NUF2: variants seen among roughly 807,000 people sequenced by gnomAD.
The protein encoded by NUF2 is kinetochore protein Nuf2.
In NUF2, 34 loss-of-function variants were observed where a neutral mutation model predicts 61.8. The ratio of observed to expected loss-of-function variants is 0.55; its 90% CI spans 0.42 to 0.73. The LOEUF is 0.73. Ranked by LOEUF, NUF2 falls within the 30% of genes least tolerant of loss-of-function variation. The pLI is 0.00. For missense variants in NUF2, 445 were observed against 539.1 expected (o/e 0.83, Z 1.73); for synonymous variants, 172 against 181.6 (o/e 0.95, Z 0.42).
chr1:163,323,642 C>A (rs1650313416), intron 1 of NUF2, among the ~76,000 whole-genome samples: 1 of 152,002 alleles, frequency 6.6e-6, no homozygotes, highest in African/African-American at 2.4e-5. Context: ...TAGCTTGAGC[C>A]TGGGAGGTCG....
chr1:163,345,792 G>A lies in NUF2; in HGVS notation c.922G>A (p.Glu308Lys). 1 of 1,606,584 alleles carries A rather than the reference G, an allele frequency of 6.2e-7. No individual in the cohort carries two copies. The highest frequency in any genetic ancestry group is 8.5e-7 in the Non-Finnish European group (1 of 1,175,166). Residue 308 changes from glutamate (E) to lysine (K), a missense_variant, in exon 11 of 14, where the codon GAA becomes AAA. Physicochemically the swap from Glu to Lys is moderately conservative, Grantham distance 56. Coordinates refer to ENST00000271452, the MANE Select transcript of NUF2 (RefSeq NM_145697.3). ...AATACAGGACCTTTCAGATAATAGG[G>A]AAAAATTAGCCAGTATCTTAAAGGA... ...KKIQDLSDNR[E>K]KLASILKESL...
At chr1:163,337,408 T>C (rs1455261099) in intron 6 of NUF2, among the ~76,000 whole-genome samples, 1 of 152,062 alleles carries the variant, frequency 6.6e-6, no homozygotes, top group Non-Finnish European at 1.5e-5. Flanking sequence ...TGGGGTACCA[T>C]ACTCTTAGAA....
intron 9 of NUF2, among the ~76,000 whole-genome samples, chr1:163,343,370 C>G (rs1002714351): frequency 1.3e-5 from 2 of 152,048 alleles, no homozygotes; most frequent in African/African-American, 4.8e-5. Flanking sequence ...AGCAGGCAGA[C>G]CGGAGTGGGA....
intron 3 of NUF2, 28 bp downstream of exon 3, chr1:163,327,590 G>GA (rs766670014): frequency 1.7e-5 from 25 of 1,447,380 alleles, no homozygotes; most frequent in South Asian, 2.3e-5. Context: ...CAAAATTATG[G>GA]GGTTTTTTTT....
At chr1:163,334,778 T>G (rs560961378) in intron 5 of NUF2, among the ~76,000 whole-genome samples, 1 of 152,154 alleles carries the variant, frequency 6.6e-6, no homozygotes, top group African/African-American at 2.4e-5. Context: ...GACCTGCTTC[T>G]TTTTGAGAAG....
chr1:163,355,328 T>C lies in NUF2; in HGVS notation c.1261-7T>C, dbSNP rs1571405991. The C allele has an allele frequency of 6.3e-7, 1 of 1,591,430 alleles. No homozygotes were observed. Among genetic ancestry groups the C allele is most frequent in the East Asian group, 2.3e-5 (1 of 44,376 alleles). The stretch of plus-strand genomic sequence containing the variant: ...ATAATTATTATTCTGTTTCATTTTC[T>C]ACTTAGGAAATATTTCTAAACTTGA... On this transcript the variant is annotated splice_polypyrimidine_tract_variant and splice_region_variant and intron_variant, in intron 13 of 13. Transcript: ENST00000271452.
chr1:163,352,253 CTTA>C (rs1424545414), intron 13 of NUF2, among the ~76,000 whole-genome samples: 3 of 152,190 alleles, frequency 2.0e-5, no homozygotes, highest in Non-Finnish European at 4.4e-5. Flanking sequence ...ATACAGCGCT[CTTA>C]TTATTATACG....
chr1:163,349,087 A>G lies in NUF2; in HGVS notation c.1260+7A>G. ...GGAGAAACTGAAGTCCCAGGTGAAT[A>G]TGTGTTCATAAGAAGTTAATTTCAA... On this transcript the variant is annotated splice_region_variant and intron_variant, in intron 13 of 13. Transcript: ENST00000271452. The G allele has an allele frequency of 6.3e-7, 1 of 1,596,880 alleles. No homozygotes were observed.
chr1:163,345,964 A>G, intron 11 of NUF2, 146 bp downstream of exon 11: 1 of 520,862 alleles, frequency 1.9e-6, no homozygotes, highest in East Asian at 3.2e-5. Flanking sequence ...TATGCTATGA[A>G]AAAGACACTT....
At chr1:163,326,918 A>G (rs941241898) in intron 2 of NUF2, among the ~76,000 whole-genome samples, 1 of 152,174 alleles carries the variant, frequency 6.6e-6, no homozygotes, top group African/African-American at 2.4e-5. Flanking sequence ...ATAAACTTGT[A>G]TTAATATATG....
chr1:163,343,946 A>T (rs1204890709), intron 10 of NUF2, 76 bp downstream of exon 10: 28 of 946,916 alleles, frequency 3.0e-5, no homozygotes, highest in Non-Finnish European at 4.1e-5. Context: ...TTATGTGTTA[A>T]TTTTTGGATT....
intron 10 of NUF2, among the ~76,000 whole-genome samples, chr1:163,344,310 A>G (rs1458283382): frequency 6.6e-6 from 1 of 152,104 alleles, no homozygotes. Flanking sequence ...AACTGCTTGA[A>G]AAATTAAAAT....
intron 5 of NUF2, among the ~76,000 whole-genome samples, chr1:163,335,943 A>C (rs1163257205): frequency 6.6e-6 from 1 of 152,094 alleles, no homozygotes; most frequent in East Asian, 1.9e-4. Context: ...TTTTTTAAAA[A>C]ATCTTTGCTT....
intron 13 of NUF2, among the ~76,000 whole-genome samples, chr1:163,350,636 TA>T (rs1165742709): frequency 2.6e-5 from 4 of 152,210 alleles, no homozygotes; most frequent in African/African-American, 9.6e-5. Context: ...ATGTTTTCCA[TA>T]AATATTTATA....
intron 13 of NUF2, among the ~76,000 whole-genome samples, chr1:163,350,839 G>C (rs1000082276): frequency 2.6e-5 from 4 of 152,124 alleles, no homozygotes; most frequent in African/African-American, 9.7e-5. Flanking sequence ...GTGTTCAATG[G>C]TATAGAGTTT....
At chr1:163,354,786 C>T (rs572830956) in intron 13 of NUF2, among the ~76,000 whole-genome samples, 5 of 152,070 alleles carry the variant, frequency 3.3e-5, no homozygotes, top group South Asian at 2.1e-4. Flanking sequence ...AATGTGTACA[C>T]GCTAATTTTT....
At chr1:163,336,358 C>T (rs1650759154) in intron 5 of NUF2, among the ~76,000 whole-genome samples, 1 of 152,130 alleles carries the variant, frequency 6.6e-6, no homozygotes, top group African/African-American at 2.4e-5. Flanking sequence ...CTCTGGAGTA[C>T]AGCCTGTAAA....
chr1:163,350,267 A>C (rs998404540), intron 13 of NUF2, among the ~76,000 whole-genome samples: 1 of 151,118 alleles, frequency 6.6e-6, no homozygotes, highest in Admixed American at 6.6e-5. Context: ...GCACCACTGC[A>C]CTCCAGCCTG....
At chr1:163,350,118 C>T (rs1296867261) in intron 13 of NUF2, among the ~76,000 whole-genome samples, 2 of 151,370 alleles carry the variant, frequency 1.3e-5, no homozygotes, top group African/African-American at 2.4e-5. Context: ...TGGCTAACAC[C>T]GTGAAACCCC....
Sources: allele counts gnomAD v4.1 joint callset (sites outside exome capture counted in the v4.1 genomes callset), GRCh38; gene constraint gnomAD v4.1.1; transcripts MANE v1.5; gene names NCBI Gene and HGNC (gene_info 2026-07-23, HGNC 2026-07-21).